Variants in LPP observed in about 807,000 individuals in gnomAD.
The protein encoded by LPP is lipoma-preferred partner.
Under a neutral mutation model 60.4 loss-of-function variants are expected in LPP, and 38 were observed. The observed-to-expected ratio is 0.63, with a 90% CI of 0.49 to 0.83. The LOEUF is 0.83. Among genes scored for constraint, LPP ranks in the 40% least tolerant of loss-of-function variants. LPP has a pLI of 0.00. For synonymous variants in LPP, 328 were observed against 290.8 expected (o/e 1.13, Z -1.30); for missense variants, 902 against 783.6 (o/e 1.15, Z -1.80).
chr3:188,848,482 G>A lies in LPP; in HGVS notation c.1411-17718G>A, dbSNP rs367988709. ...ATGGGCCAGTCAATAGCAGGGCAGC[G>A]TGTCAAGATGCTGGAGCAAGGAAGT... On this transcript the variant is annotated intron_variant, in intron 9 of 11. Transcript: ENST00000617246. 4.4e-4 allele frequency among the ~76,000 whole-genome samples: 54 copies of A among 123,720 alleles called. 2 individuals carry two copies. Among genetic ancestry groups the A allele is most frequent in the Admixed American group, 3.5e-3 (45 of 12,844 alleles). 81.2% of individuals were successfully genotyped at this position (123,720 alleles called of 152,430 possible).
intron 3 of LPP, among the ~76,000 whole-genome samples, chr3:188,403,060 TAA>T (rs1337578692): frequency 2.0e-5 from 3 of 152,054 alleles, no homozygotes; most frequent in Non-Finnish European, 4.4e-5. Context: ...AGAAGAATGG[TAA>T]GAGAAGATAC....
intron 9 of LPP, among the ~76,000 whole-genome samples, chr3:188,799,024 C>T (rs1157305960): frequency 1.3e-5 from 2 of 152,220 alleles, no homozygotes; most frequent in African/African-American, 4.8e-5. Flanking sequence ...TGTTTTGCTT[C>T]TTTCCTCTTC....
intron 4 of LPP, among the ~76,000 whole-genome samples, chr3:188,431,820 G>C (rs979985448): frequency 6.6e-6 from 1 of 152,142 alleles, no homozygotes; most frequent in African/African-American, 2.4e-5. Context: ...GCATAAAATT[G>C]GTTACTCCTG....
At chr3:188,412,523 A>G (rs1467379255) in intron 4 of LPP, among the ~76,000 whole-genome samples, 1 of 152,180 alleles carries the variant, frequency 6.6e-6, no homozygotes, top group Non-Finnish European at 1.5e-5. Flanking sequence ...ATTTGTAAGT[A>G]GTAGAAGTGG....
intron 2 of LPP, among the ~76,000 whole-genome samples, chr3:188,239,458 A>C (rs1254970129): frequency 1.3e-5 from 2 of 152,212 alleles, no homozygotes; most frequent in East Asian, 3.8e-4. Context: ...CAGGCAAATC[A>C]GTCTTTTCTG....
Position 188,203,173 on chromosome 3 carries a change from TATA to T in LPP, c.-189-22229_-189-22227del, listed in dbSNP as rs1731579834. Among the ~76,000 whole-genome samples the T allele has an allele frequency of 3.0e-5, 4 of 134,308 alleles. No homozygotes were observed. In the South Asian group the frequency reaches 8.6e-4, roughly 29 times the overall value. 88.1% of individuals were successfully genotyped at this position (134,308 alleles called of 152,430 possible). A position where few individuals can be genotyped will look rare whatever the true frequency, so the allele number is the denominator to read the frequency against. Reference sequence around the variant, plus strand: ...ATAATTATATTGTAATTAAATTATATATAATTTTATATATTATATATTATATAT... The same window carrying T: ...ATAATTATATTGTAATTAAATTATATATTTTATATATTATATATTATATAT... On this transcript the variant is annotated intron_variant, in intron 1 of 11. Transcript: ENST00000617246.
intron 2 of LPP, among the ~76,000 whole-genome samples, chr3:188,260,321 G>C (rs1049877805): frequency 2.0e-4 from 31 of 152,150 alleles, no homozygotes; most frequent in African/African-American, 7.5e-4. Flanking sequence ...GGGATTAGAG[G>C]CGTGAGCCAC....
intron 1 of LPP, among the ~76,000 whole-genome samples, chr3:188,210,026 A>G (rs545493868): frequency 6.6e-5 from 10 of 151,976 alleles, no homozygotes; most frequent in African/African-American, 1.9e-4. Context: ...CTCTGTATCC[A>G]TGGTTTCTGC....
chr3:188,154,358 G>A (rs1218183447), intron 1 of LPP, among the ~76,000 whole-genome samples, 106 bp downstream of exon 1: 1 of 152,076 alleles, frequency 6.6e-6, no homozygotes, highest in African/African-American at 2.4e-5. Flanking sequence ...AGAGCGCAGG[G>A]CGCGCGCCCT....
intron 2 of LPP, among the ~76,000 whole-genome samples, chr3:188,310,488 G>T (rs955290123): frequency 6.6e-6 from 1 of 152,112 alleles, no homozygotes; most frequent in South Asian, 2.1e-4. Flanking sequence ...CTCATTCTTT[G>T]CTGACACATG....
At chr3:188,211,274 C>T (rs1000133692) in intron 1 of LPP, among the ~76,000 whole-genome samples, 3 of 152,082 alleles carry the variant, frequency 2.0e-5, no homozygotes, top group Non-Finnish European at 2.9e-5. Context: ...TCCTTCATGC[C>T]CTGATCAGAG....
At chr3:188,799,004 T>C (rs1322739520) in intron 9 of LPP, among the ~76,000 whole-genome samples, 1 of 152,246 alleles carries the variant, frequency 6.6e-6, no homozygotes, top group African/African-American at 2.4e-5. Context: ...TTCAGCTACA[T>C]GTGTGTAGTT....
intron 4 of LPP, among the ~76,000 whole-genome samples, chr3:188,418,902 A>G (rs1259096373): frequency 6.6e-6 from 1 of 152,192 alleles, no homozygotes; most frequent in Non-Finnish European, 1.5e-5. Flanking sequence ...TTGACATTAC[A>G]ATGGAATTAA....
At chr3:188,837,095 T>A (rs1437821507) in intron 9 of LPP, among the ~76,000 whole-genome samples, 2 of 152,108 alleles carry the variant, frequency 1.3e-5, no homozygotes, top group Non-Finnish European at 2.9e-5. Flanking sequence ...GTTCTAGGGA[T>A]AAAGAAGAGC....
intron 9 of LPP, among the ~76,000 whole-genome samples, chr3:188,850,626 TAAAAAAAG>T (rs1560292275): frequency 6.6e-6 from 1 of 151,962 alleles, no homozygotes; most frequent in Non-Finnish European, 1.5e-5. Flanking sequence ...TTATATTTTT[TAAAAAAAG>T]AAAGAAAACA....
At chr3:188,376,240 G>A (rs1310987478) in intron 3 of LPP, among the ~76,000 whole-genome samples, 1 of 151,676 alleles carries the variant, frequency 6.6e-6, no homozygotes, top group Non-Finnish European at 1.5e-5. Context: ...GCAGAGCTGA[G>A]TTCAATTCCT....
Position 188,609,480 on chromosome 3 carries a change from G to A in LPP, c.749G>A (p.Gly250Asp). The change falls in exon 7 of 12, where the codon GGC becomes GAC. Residue 250 changes from glycine to aspartate, a missense_variant. By Grantham distance (94) the Gly-to-Asp change is moderately conservative. Transcript: ENST00000617246. This position sits in a 1 kb window ranked among gnomAD's most constrained non-coding sequence, Gnocchi z 6.9. ...CAAATTTATGGCTCAGGGCCCCAGG[G>A]CTATAACACTCAGCCAGTTCCTGTC... ...SGQIYGSGPQ[G>D]YNTQPVPVSG... 1 of 1,614,154 alleles carries A rather than the reference G, an allele frequency of 6.2e-7. No individual in the cohort carries two copies. The highest frequency in any genetic ancestry group is 8.5e-7 in the Non-Finnish European group (1 of 1,180,026).
chr3:188,274,204 A>G (rs761896519), intron 2 of LPP, among the ~76,000 whole-genome samples: 1 of 152,140 alleles, frequency 6.6e-6, no homozygotes, highest in Non-Finnish European at 1.5e-5. Flanking sequence ...CTCATTCTGT[A>G]TTCTTTCCTT....
At chr3:188,446,623 T>C (rs967615375) in intron 4 of LPP, among the ~76,000 whole-genome samples, 3 of 152,174 alleles carry the variant, frequency 2.0e-5, no homozygotes, top group Non-Finnish European at 4.4e-5. Context: ...CTGATGAAAA[T>C]GTTTTGCTGC....
Sources: gnomAD v4.1 joint callset for allele counts (sites outside exome capture counted in the v4.1 genomes callset) on GRCh38, gnomAD v4.1.1 for gene constraint, Gnocchi (gnomAD v3.1) non-coding constraint, MANE v1.5 for transcripts, NCBI Gene and HGNC (gene_info 2026-07-23, HGNC 2026-07-21) for gene names.